FAR2: variants seen among roughly 807,000 people sequenced by gnomAD.
The protein encoded by FAR2 is epididymis secretory protein Li 81.
Under a neutral mutation model 56.0 loss-of-function variants are expected in FAR2, and 19 were observed. That is an observed-to-expected ratio of 0.34 (90% CI 0.24 to 0.50). The LOEUF (loss-of-function observed/expected upper bound fraction) is 0.50, where lower values mean the gene tolerates loss of function less well. Among genes scored for constraint, FAR2 ranks in the 20% least tolerant of loss-of-function variants. The pLI is 0.98. For synonymous variants in FAR2, 219 were observed against 218.8 expected (o/e 1.00, Z -0.01); for missense variants, 508 against 642.2 (o/e 0.79, Z 2.26).
At chr12:29,240,696 A>G (rs1948015005) in intron 1 of FAR2, among the ~76,000 whole-genome samples, 1 of 152,170 alleles carries the variant, frequency 6.6e-6, no homozygotes, top group African/African-American at 2.4e-5. Context: ...TGAAAAAGGT[A>G]ACTGAACTTT....
intron 1 of FAR2, among the ~76,000 whole-genome samples, chr12:29,167,857 T>A (rs1354982881): frequency 1.3e-5 from 2 of 152,176 alleles, no homozygotes; most frequent in Non-Finnish European, 2.9e-5. Flanking sequence ...GACCAATGAC[T>A]AGAGAGAGTA....
At chr12:29,182,410 G>A (rs552735640) in intron 1 of FAR2, among the ~76,000 whole-genome samples, 1 of 152,278 alleles carries the variant, frequency 6.6e-6, no homozygotes, top group Non-Finnish European at 1.5e-5. Flanking sequence ...GTGCTGATTG[G>A]AGCATTTTTA....
intron 4 of FAR2, among the ~76,000 whole-genome samples, chr12:29,307,152 A>T (rs953516680): frequency 4.6e-5 from 7 of 152,308 alleles, no homozygotes; most frequent in African/African-American, 1.7e-4. Context: ...CACTACTGGG[A>T]GAATGACTGG....
At chr12:29,223,143 C>T (rs1947717142) in intron 1 of FAR2, among the ~76,000 whole-genome samples, 1 of 152,108 alleles carries the variant, frequency 6.6e-6, no homozygotes, top group Non-Finnish European at 1.5e-5. Flanking sequence ...ATTACTAGCC[C>T]CATCCCAGGA....
chr12:29,206,730 G>A (rs1342978789), intron 1 of FAR2, among the ~76,000 whole-genome samples: 1 of 152,126 alleles, frequency 6.6e-6, no homozygotes, highest in Non-Finnish European at 1.5e-5. Flanking sequence ...ATGACATAAG[G>A]CAGTTCATGT....
At chr12:29,182,927 T>C (rs916406349) in intron 1 of FAR2, among the ~76,000 whole-genome samples, 3 of 141,370 alleles carry the variant, frequency 2.1e-5, no homozygotes, top group African/African-American at 7.9e-5. Flanking sequence ...GGAATTATCT[T>C]TACTCATTGT....
At chr12:29,295,660 G>T (rs534399747) in intron 3 of FAR2, among the ~76,000 whole-genome samples, 1 of 150,488 alleles carries the variant, frequency 6.6e-6, no homozygotes, top group Non-Finnish European at 1.5e-5. Context: ...CATTTATGAT[G>T]AATTTGATAT....
chr12:29,280,707 T>G (rs1948772097), intron 2 of FAR2: 1 of 152,268 alleles, frequency 6.6e-6, no homozygotes, highest in South Asian at 2.1e-4. Flanking sequence ...GGTTGCCATC[T>G]TCTACACATG....
intron 1 of FAR2, among the ~76,000 whole-genome samples, chr12:29,268,893 A>G (rs1288519379): frequency 1.3e-5 from 2 of 152,164 alleles, no homozygotes; most frequent in Non-Finnish European, 2.9e-5. Context: ...GATTTTCAAA[A>G]GGGGAGGGAG....
At chr12:29,311,646 ACTC>A (rs912213198) in intron 7 of FAR2, among the ~76,000 whole-genome samples, 3 of 142,998 alleles carry the variant, frequency 2.1e-5, no homozygotes, top group African/African-American at 8.1e-5. Context: ...ATAATATGTC[ACTC>A]CTATTTAACA....
At chr12:29,258,182 TAAA>T (rs3032977) in intron 1 of FAR2, among the ~76,000 whole-genome samples, 50 of 146,120 alleles carry the variant, frequency 3.4e-4, no homozygotes, top group Non-Finnish European at 2.7e-4. Context: ...TGTCTTTACT[TAAA>T]AAAAAAAAAA....
intron 2 of FAR2, among the ~76,000 whole-genome samples, chr12:29,279,924 T>A (rs1334457023): frequency 7.4e-6 from 1 of 136,026 alleles, no homozygotes; most frequent in Non-Finnish European, 1.6e-5. Context: ...TATTGTGCAA[T>A]ATAATTTTTT....
chr12:29,302,351 G>T (rs185876637), intron 4 of FAR2, among the ~76,000 whole-genome samples: 2 of 152,040 alleles, frequency 1.3e-5, no homozygotes, highest in African/African-American at 4.8e-5. Context: ...GTGGTGGTGG[G>T]GAAACAGGTC....
At chr12:29,194,798 T>G (rs1212147542) in intron 1 of FAR2, among the ~76,000 whole-genome samples, 1 of 152,098 alleles carries the variant, frequency 6.6e-6, no homozygotes, top group Admixed American at 6.6e-5. Flanking sequence ...TGCCCCAGTG[T>G]TGGACAGAAA....
intron 1 of FAR2, among the ~76,000 whole-genome samples, chr12:29,227,729 C>T (rs1947791321): frequency 6.6e-6 from 1 of 152,114 alleles, no homozygotes. Context: ...GCAGCATTCT[C>T]TTGACTGCAG....
At chr12:29,253,992 A>G (rs1443814917) in intron 1 of FAR2, among the ~76,000 whole-genome samples, 1 of 152,206 alleles carries the variant, frequency 6.6e-6, no homozygotes, top group Non-Finnish European at 1.5e-5. Flanking sequence ...TGCTAAGCAG[A>G]AGCAATCTAA....
chr12:29,283,443 T>C (rs1948818230), intron 2 of FAR2, among the ~76,000 whole-genome samples: 1 of 152,138 alleles, frequency 6.6e-6, no homozygotes, highest in South Asian at 2.1e-4. Context: ...GATGAACACA[T>C]TACACTTTTA....
chr12:29,277,234 C>A (rs1948715151), intron 2 of FAR2, among the ~76,000 whole-genome samples: 1 of 152,146 alleles, frequency 6.6e-6, no homozygotes, highest in South Asian at 2.1e-4. Context: ...CCTCAGCCTC[C>A]CAAAGTGCTG....
chr12:29,204,840 C>G (rs1245240840), intron 1 of FAR2, among the ~76,000 whole-genome samples: 2 of 152,140 alleles, frequency 1.3e-5, no homozygotes, highest in Non-Finnish European at 2.9e-5. Context: ...CACTCATTCA[C>G]TATCACGGGA....
Sources: gnomAD v4.1 joint callset for allele counts (sites outside exome capture counted in the v4.1 genomes callset) on GRCh38, gnomAD v4.1.1 for gene constraint, MANE v1.5 for transcripts, NCBI Gene and HGNC (gene_info 2026-07-23, HGNC 2026-07-21) for gene names.